Variants in SRGAP3 observed in about 807,000 individuals in gnomAD.
The protein encoded by SRGAP3 is SLIT-ROBO Rho GTPase-activating protein 3.
A neutral mutation model predicts 121.1 loss-of-function variants in SRGAP3; 39 were observed. The observed-to-expected ratio is 0.32, with a 90% CI of 0.25 to 0.42. The LOEUF is 0.42. Among genes scored for constraint, SRGAP3 ranks in the 10% least tolerant of loss-of-function variants. The pLI, the probability that SRGAP3 is intolerant of heterozygous loss-of-function variation, is 1.00. For missense variants in SRGAP3, 1,213 were observed against 1,470.6 expected, an observed-to-expected ratio of 0.82 and a Z score of 2.86; for synonymous variants, 601 against 570.0, an observed-to-expected ratio of 1.05 and a Z score of -0.77.
intron 9 of SRGAP3, among the ~76,000 whole-genome samples, chr3:9,048,608 G>A (rs923433561): frequency 1.3e-5 from 2 of 152,122 alleles, no homozygotes; most frequent in Non-Finnish European, 2.9e-5. Context: ...ATTGCTGAAG[G>A]CCTGAAGTTC....
At chr3:9,140,688 T>G (rs1034117038) in intron 1 of SRGAP3, among the ~76,000 whole-genome samples, 4 of 152,190 alleles carry the variant, frequency 2.6e-5, no homozygotes, top group African/African-American at 9.6e-5. Context: ...ACACAACTGT[T>G]CCAATAAAAC....
intron 5 of SRGAP3, among the ~76,000 whole-genome samples, chr3:9,060,645 G>T (rs1349785114): frequency 6.6e-6 from 1 of 151,982 alleles, no homozygotes; most frequent in East Asian, 1.9e-4. Context: ...TCACTATGTT[G>T]CCCAGGCTGA....
At chr3:9,114,876 G>A (rs531927549) in intron 2 of SRGAP3, among the ~76,000 whole-genome samples, 51 of 152,320 alleles carry the variant, frequency 3.3e-4, no homozygotes, top group African/African-American at 1.1e-3. Context: ...CCACATCACC[G>A]TGAACCAAGT....
At chr3:9,016,293 T>C (rs1478723498) in intron 14 of SRGAP3, among the ~76,000 whole-genome samples, 1 of 152,232 alleles carries the variant, frequency 6.6e-6, no homozygotes, top group Non-Finnish European at 1.5e-5. Flanking sequence ...GTTATTTTTC[T>C]TGAGTCCTTT....
At chr3:8,997,887 TTTC>T (rs1459470920) in intron 18 of SRGAP3, among the ~76,000 whole-genome samples, 1 of 151,576 alleles carries the variant, frequency 6.6e-6, no homozygotes, top group Non-Finnish European at 1.5e-5. Context: ...GGTTTTTTTT[TTTC>T]TTTTTCTTGA....
chr3:9,206,521 G>C (rs1282837348), intron 1 of SRGAP3, among the ~76,000 whole-genome samples: 2 of 152,126 alleles, frequency 1.3e-5, no homozygotes, highest in African/African-American at 4.8e-5. Context: ...GCCCCTCGAT[G>C]CCTCTCTGAC....
upstream of SRGAP3, among the ~76,000 whole-genome samples, chr3:9,250,434 G>A (rs987779297): frequency 2.0e-5 from 3 of 152,122 alleles, no homozygotes; most frequent in African/African-American, 7.2e-5. Context: ...ATTGTGAATG[G>A]TGCCCCCTGG....
At chr3:9,166,312 T>C (rs955738687) in intron 1 of SRGAP3, among the ~76,000 whole-genome samples, 1 of 152,198 alleles carries the variant, frequency 6.6e-6, no homozygotes, top group Non-Finnish European at 1.5e-5. Context: ...TGAATGTTTA[T>C]TGAATGAATG....
intron 2 of SRGAP3, among the ~76,000 whole-genome samples, chr3:9,329,152 C>G (rs967189100): frequency 1.3e-5 from 2 of 152,220 alleles, no homozygotes; most frequent in African/African-American, 4.8e-5. Context: ...CAAAATACAT[C>G]AGCTTAAGAC....
chr3:9,258,713 C>T (rs750034689), intron 3 of SRGAP3, among the ~76,000 whole-genome samples: 4 of 152,176 alleles, frequency 2.6e-5, no homozygotes, highest in South Asian at 2.1e-4. Flanking sequence ...CCTGTATTTT[C>T]GGATGCAGAA....
rs114942274 is a variant in SRGAP3, at chr3:9,332,659, C to T, written n.215-2063G>A. The stretch of plus-strand genomic sequence containing the variant: ...GAAAAGAATTGTTTGCATAGGAAAA[C>T]GTGTGCTGAAACCAATTAATTTTTT... On this transcript the variant is annotated intron_variant and non_coding_transcript_variant, in intron 1 of 3. Transcript: ENST00000490889. Among the ~76,000 whole-genome samples, 416 of 152,240 alleles carry T rather than the reference C, an allele frequency of 2.7e-3. 2 individuals are homozygous for T. The highest frequency in any genetic ancestry group is 0.017 in the South Asian group (82 of 4,830).
chr3:9,169,504 C>T (rs2125094656), intron 1 of SRGAP3, among the ~76,000 whole-genome samples: 1 of 152,204 alleles, frequency 6.6e-6, no homozygotes. Context: ...AGAGGAGTTA[C>T]ATGTCATTGC....
At chr3:9,047,876 G>A (rs781622840) in intron 9 of SRGAP3, among the ~76,000 whole-genome samples, 5 of 152,240 alleles carry the variant, frequency 3.3e-5, no homozygotes, top group Admixed American at 6.5e-5. Context: ...CAGGGGCCAC[G>A]CAGCCGAAGC....
Position 9,013,783 on chromosome 3 carries a change from G to A in SRGAP3, c.1873C>T (p.Arg625Cys), listed in dbSNP as rs750244187. ...QIQQILVTLPRVVIVVMRYLF... is the reference protein window; with the variant it reads ...QIQQILVTLPCVVIVVMRYLF... ...TATCTCATGACCACAATGACCACGC[G>A]GGGAAGGGTGACGAGGATTTGTTGG... The change falls in exon 16 of 22, where the codon CGC becomes TGC. Residue 625 changes from arginine to cysteine, a missense_variant. Arg to Cys is a radical substitution (Grantham distance 180). Transcript: ENST00000383836. 68 of 1,614,096 alleles carry A rather than the reference G, an allele frequency of 4.2e-5. No individual in the cohort carries two copies. The highest frequency in any genetic ancestry group is 8.9e-5 in the East Asian group (4 of 44,888).
In SRGAP3 at chr3:9,249,233, A is replaced by C; in HGVS notation, c.-282T>G. Reference sequence around the variant, plus strand: ...GCACAGTAACCTGCCCCAGATTTTCAAAGATTTTTCTTCCAAAAATAATAA... The same window carrying C: ...GCACAGTAACCTGCCCCAGATTTTCCAAGATTTTTCTTCCAAAAATAATAA... On this transcript the variant is annotated 5_prime_UTR_variant, in exon 1 of 22. Coordinates refer to ENST00000383836, the MANE Select transcript of SRGAP3 (RefSeq NM_014850.4). 1.9e-6 allele frequency: 1 copy of C among 523,306 alleles called. No individual in the cohort carries two copies. The highest frequency in any genetic ancestry group is 3.5e-6 in the Non-Finnish European group (1 of 289,244). The allele number at this position is 523,306 out of a possible 1,614,324, so 32.4% of individuals were successfully genotyped here.
At chr3:9,118,669 C>T (rs1948891774) in intron 2 of SRGAP3, among the ~76,000 whole-genome samples, 1 of 148,344 alleles carries the variant, frequency 6.7e-6, no homozygotes. Flanking sequence ...CCCCAGGGGG[C>T]TTGTTAAATG....
At chr3:9,148,035 C>T (rs2125048027) in intron 1 of SRGAP3, among the ~76,000 whole-genome samples, 1 of 152,296 alleles carries the variant, frequency 6.6e-6, no homozygotes, top group African/African-American at 2.4e-5. Flanking sequence ...TGGTTTTCTT[C>T]CTCCAAAGCC....
intron 1 of SRGAP3, among the ~76,000 whole-genome samples, chr3:9,156,608 G>T (rs1368611979): frequency 1.3e-5 from 2 of 152,200 alleles, no homozygotes; most frequent in Non-Finnish European, 2.9e-5. Context: ...CAAATTTCAA[G>T]TAATAAGCCT....
chr3:9,153,635 G>A (rs1950287349), intron 1 of SRGAP3, among the ~76,000 whole-genome samples: 1 of 152,184 alleles, frequency 6.6e-6, no homozygotes, highest in Non-Finnish European at 1.5e-5. Flanking sequence ...GTCATGCAAT[G>A]CAGTGGTAAC....
Sources: gnomAD v4.1 joint callset for allele counts (sites outside exome capture counted in the v4.1 genomes callset) on GRCh38, gnomAD v4.1.1 for gene constraint, MANE v1.5 for transcripts, NCBI Gene and HGNC (gene_info 2026-07-23, HGNC 2026-07-21) for gene names.